EFCAB6: variants seen among roughly 807,000 people sequenced by gnomAD.
EFCAB6 encodes the protein EF-hand calcium-binding domain-containing protein 6.
In EFCAB6, 156 loss-of-function variants were observed where a neutral mutation model predicts 169.8. The observed-to-expected ratio is 0.92, with a 90% CI of 0.81 to 1.05. The LOEUF is 1.05. Ranked by LOEUF, EFCAB6 falls within the 50% of genes least tolerant of loss-of-function variation. EFCAB6 has a pLI of 0.00. For synonymous variants in EFCAB6, 698 were observed against 676.4 expected (o/e 1.03, Z -0.50); for missense variants, 1,800 against 1,829.1 (o/e 0.98, Z 0.29).
At chr22:43,548,918 G>T (rs1381174562) in intron 27 of EFCAB6, among the ~76,000 whole-genome samples, 1 of 152,096 alleles carries the variant, frequency 6.6e-6, no homozygotes, top group African/African-American at 2.4e-5. Context: ...TCTAAGAACT[G>T]ATGTCATTCA....
chr22:43,683,786 G>A lies in EFCAB6; in HGVS notation c.1212C>T (p.His404=). 6.2e-7 allele frequency: 1 copy of A among 1,613,618 alleles called. No homozygotes were observed. Among genetic ancestry groups the A allele is most frequent in the Non-Finnish European group, 8.5e-7 (1 of 1,179,560 alleles). Residue 404 remains histidine (H), a synonymous_variant, in exon 12 of 32, where the codon CAC becomes CAT. Coordinates refer to ENST00000262726, the MANE Select transcript of EFCAB6 (RefSeq NM_022785.4). ...GTAATGCTTTCTTCAGTGACGCAGAGTGATCTTCAGTGTGTCTAAATAACT... is the reference window on the plus strand; with the variant it reads ...GTAATGCTTTCTTCAGTGACGCAGAATGATCTTCAGTGTGTCTAAATAACT... ...ITKLFRHTED[H]SASLKKALLI...
At chr22:43,681,216 T>A (rs2057994305) in intron 12 of EFCAB6, among the ~76,000 whole-genome samples, 1 of 152,246 alleles carries the variant, frequency 6.6e-6, no homozygotes, top group Admixed American at 6.5e-5. Context: ...ATTGAGATAA[T>A]CATGTAGTTC....
intron 2 of EFCAB6, among the ~76,000 whole-genome samples, chr22:43,784,499 A>AT (rs1351012600): frequency 6.8e-4 from 60 of 88,322 alleles, no homozygotes; most frequent in Non-Finnish European, 8.5e-4. Flanking sequence ...AAAAAAAAAA[A>AT]AAAATATATA....
chr22:43,537,312 G>A lies in EFCAB6; in HGVS notation c.4048+65C>T. On this transcript the variant is annotated intron_variant, in intron 29 of 31. Coordinates refer to ENST00000262726, the MANE Select transcript of EFCAB6 (RefSeq NM_022785.4). This position sits in a 1 kb window ranked among gnomAD's most constrained non-coding sequence, Gnocchi z 4.3. ...CACCCGGGGTGTGGCTTTGTACCCAGTGGGAACAGCCTCTTGCCACAGGGG... is the reference window on the plus strand; with the variant it reads ...CACCCGGGGTGTGGCTTTGTACCCAATGGGAACAGCCTCTTGCCACAGGGG... 1.9e-6 allele frequency: 3 copies of A among 1,572,350 alleles called. No homozygotes were observed. The highest frequency in any genetic ancestry group is 2.4e-5 in the South Asian group (2 of 84,456).
chr22:43,647,046 G>C lies in EFCAB6; in HGVS notation c.1984-11830C>G, dbSNP rs183101587. On this transcript the variant is annotated intron_variant, in intron 17 of 31. Transcript: ENST00000262726. ...CATTCTGCTGAGAGGTGTTGTTAGT[G>C]GGGGAGGCTGTGCACGTGGGGACAG... 1.8e-4 allele frequency among the ~76,000 whole-genome samples: 28 copies of C among 152,288 alleles called. No homozygotes were observed. In the East Asian group the frequency reaches 5.2e-3, roughly 28 times the overall value.
At chr22:43,595,031 C>T (rs929166759) in intron 23 of EFCAB6, among the ~76,000 whole-genome samples, 2 of 151,952 alleles carry the variant, frequency 1.3e-5, no homozygotes, top group African/African-American at 4.8e-5. Flanking sequence ...AATGACCACT[C>T]ATCAATGAAG....
intron 21 of EFCAB6, 124 bp downstream of exon 21, chr22:43,615,702 A>T: frequency 2.8e-6 from 2 of 707,532 alleles, no homozygotes; most frequent in Non-Finnish European, 4.5e-6. Context: ...AGGAGTCCTC[A>T]CACTGGGTAC....
chr22:43,700,042 ATTTTT>A (rs2058711213), intron 10 of EFCAB6, among the ~76,000 whole-genome samples: 1 of 152,206 alleles, frequency 6.6e-6, no homozygotes, highest in African/African-American at 2.4e-5. Context: ...CACAGGTTTT[ATTTTT>A]AACAGATTTA....
At chr22:43,736,223 A>C (rs2060132377) in intron 6 of EFCAB6, among the ~76,000 whole-genome samples, 1 of 152,210 alleles carries the variant, frequency 6.6e-6, no homozygotes. Context: ...ATTTAAAAAA[A>C]ATCTCTTTCT....
At chr22:43,635,710 G>A (rs1024627885) in intron 17 of EFCAB6, among the ~76,000 whole-genome samples, 1 of 152,166 alleles carries the variant, frequency 6.6e-6, no homozygotes, top group Non-Finnish European at 1.5e-5. Context: ...ATCCATGAAT[G>A]CTCTTTTTTC....
At chr22:43,604,885 G>A (rs1302051448) in intron 22 of EFCAB6, among the ~76,000 whole-genome samples, 1 of 152,186 alleles carries the variant, frequency 6.6e-6, no homozygotes, top group Non-Finnish European at 1.5e-5. Flanking sequence ...ACACACGCAA[G>A]GATCTCCACG....
intron 27 of EFCAB6, among the ~76,000 whole-genome samples, chr22:43,545,784 T>C (rs1408237163): frequency 6.6e-6 from 1 of 152,186 alleles, no homozygotes; most frequent in Non-Finnish European, 1.5e-5. Flanking sequence ...GACCCCAAGG[T>C]GGAGGAACCG....
intron 7 of EFCAB6, among the ~76,000 whole-genome samples, chr22:43,732,687 G>A (rs568315481): frequency 2.6e-5 from 4 of 151,902 alleles, no homozygotes; most frequent in Admixed American, 6.6e-5. Context: ...GGCTGGTCTC[G>A]AACTCCTGGC....
At chr22:43,540,531 C>G (rs938772427) in intron 27 of EFCAB6, 174 bp from the exon 28 acceptor site, 1 of 1,528,772 alleles carries the variant, frequency 6.5e-7, no homozygotes, top group Non-Finnish European at 8.7e-7. Context: ...TCGGCGGAGG[C>G]CTCAGGAAGA....
chr22:43,589,953 G>A, intron 24 of EFCAB6, 121 bp downstream of exon 24: 1 of 1,289,766 alleles, frequency 7.8e-7, no homozygotes, highest in Non-Finnish European at 1.1e-6. Flanking sequence ...CAAACAGGAA[G>A]ACATGGAGGG....
At chr22:43,651,472 G>A (rs1343253503) in intron 17 of EFCAB6, among the ~76,000 whole-genome samples, 1 of 152,266 alleles carries the variant, frequency 6.6e-6, no homozygotes, top group Non-Finnish European at 1.5e-5. Flanking sequence ...TGCCCGCAGG[G>A]GCAGGGCTCT....
At chr22:43,748,780 A>G (rs2060654148) in intron 6 of EFCAB6, among the ~76,000 whole-genome samples, 1 of 152,216 alleles carries the variant, frequency 6.6e-6, no homozygotes, top group African/African-American at 2.4e-5. Flanking sequence ...CGGAAAATGT[A>G]CAGTTTTAGG....
In EFCAB6 at chr22:43,784,227, T is replaced by C. The variant is rs2061928887; in HGVS notation, c.-7-1902A>G. Among the ~76,000 whole-genome samples the C allele has an allele frequency of 2.0e-5, 3 of 152,072 alleles. No individual in the cohort carries two copies. In the South Asian group the frequency reaches 6.2e-4, roughly 32 times the overall value. ...TGTTGAAATAAAAACCCCACCAACC[T>C]AGAATTCCAAACTCAATGAAATTAC... On this transcript the variant is annotated intron_variant, in intron 2 of 31. Transcript: ENST00000262726.
intron 21 of EFCAB6, among the ~76,000 whole-genome samples, chr22:43,613,758 T>TA (rs1569248358): frequency 6.6e-6 from 1 of 152,088 alleles, no homozygotes; most frequent in Non-Finnish European, 1.5e-5. Context: ...TCCCTGAACC[T>TA]AAAATAAAAG....
Sources: allele counts gnomAD v4.1 joint callset (sites outside exome capture counted in the v4.1 genomes callset), GRCh38; gene constraint gnomAD v4.1.1; non-coding constraint Gnocchi (gnomAD v3.1); transcripts MANE v1.5; gene names NCBI Gene and HGNC (gene_info 2026-07-23, HGNC 2026-07-21).